The following NAV1 variants were observed in gnomAD, a reference collection of about 807,000 sequenced individuals.
NAV1 encodes neuron navigator 1, also known as pore membrane and/or filament interacting like protein 3.
Under a neutral mutation model 175.2 loss-of-function variants are expected in NAV1, and 18 were observed. The ratio of observed to expected loss-of-function variants is 0.10; its 90% confidence interval spans 0.07 to 0.15. The LOEUF is 0.15. Ranked by LOEUF, NAV1 falls within the 10% of genes least tolerant of loss-of-function variation. NAV1 has a pLI of 1.00. For synonymous variants in NAV1, 897 were observed against 978.7 expected (o/e 0.92, Z 1.56); for missense variants, 1,731 against 2,436.6 (o/e 0.71, Z 6.10).
intron 2 of NAV1, among the ~76,000 whole-genome samples, chr1:201,607,032 T>G (rs1472213070): frequency 6.6e-6 from 1 of 152,206 alleles, no homozygotes; most frequent in Non-Finnish European, 1.5e-5. Flanking sequence ...TTTTGGATGT[T>G]TGTCGCACTG....
chr1:201,558,444 G>A (rs1414713302), intron 1 of NAV1, among the ~76,000 whole-genome samples: 2 of 152,094 alleles, frequency 1.3e-5, no homozygotes, highest in African/African-American at 4.8e-5. Context: ...TGGGATCTAG[G>A]TGTGGTGTTT....
At chr1:201,689,853 C>G (rs371697446) in intron 1 of NAV1, among the ~76,000 whole-genome samples, 1 of 152,194 alleles carries the variant, frequency 6.6e-6, no homozygotes, top group Non-Finnish European at 1.5e-5. Flanking sequence ...ATTCTGCTCC[C>G]CAGAGTGTGT....
intron 1 of NAV1, among the ~76,000 whole-genome samples, chr1:201,559,510 G>A (rs1443398426): frequency 3.3e-5 from 5 of 152,142 alleles, no homozygotes; most frequent in Non-Finnish European, 7.3e-5. Flanking sequence ...AGCTTTGTCC[G>A]AGATGATGGT....
exon 4 of NAV1, chr1:201,780,430 AAGC>A (rs1439967711): frequency 6.2e-7 from 1 of 1,614,086 alleles, no homozygotes; most frequent in Non-Finnish European, 8.5e-7. Context: ...GCTGGGATGA[AAGC>A]AGCTCCATCA....
intron 3 of NAV1, among the ~76,000 whole-genome samples, chr1:201,772,345 C>T (rs1473179012): frequency 6.6e-6 from 1 of 152,124 alleles, no homozygotes; most frequent in Non-Finnish European, 1.5e-5. Flanking sequence ...GGGATAATGC[C>T]AGGACTCCAG....
At chr1:201,680,563 G>A (rs1335838508) in intron 1 of NAV1, among the ~76,000 whole-genome samples, 2 of 152,056 alleles carry the variant, frequency 1.3e-5, no homozygotes, top group East Asian at 1.9e-4. Context: ...GATCTTGGGT[G>A]AATTAATAGA....
At chr1:201,543,409 T>C (rs1454675420) in intron 1 of NAV1, among the ~76,000 whole-genome samples, 2 of 152,224 alleles carry the variant, frequency 1.3e-5, no homozygotes, top group Non-Finnish European at 2.9e-5. Flanking sequence ...GGCTTGTTTT[T>C]TGTTTCCTTC....
At chr1:201,784,874 T>G (rs1011595422) in intron 7 of NAV1, among the ~76,000 whole-genome samples, 1 of 150,708 alleles carries the variant, frequency 6.6e-6, no homozygotes, top group African/African-American at 2.4e-5. Context: ...TTCATGCCAT[T>G]CTCCTGCCTC....
chr1:201,648,597 C>A, exon 1 of NAV1: 1 of 1,270,784 alleles, frequency 7.9e-7, no homozygotes, highest in Non-Finnish European at 9.9e-7. Context: ...CCTCCTCCTG[C>A]GCTCCCGCCC....
At chr1:201,633,536 C>T (rs141922424) in intron 2 of NAV1, among the ~76,000 whole-genome samples, 31 of 152,338 alleles carry the variant, frequency 2.0e-4, no homozygotes, top group African/African-American at 7.2e-4. Context: ...CCAAGCTCAA[C>T]TCAGTCTCCC....
At chr1:201,700,289 A>G (rs1202763869) in intron 1 of NAV1, among the ~76,000 whole-genome samples, 2 of 152,248 alleles carry the variant, frequency 1.3e-5, no homozygotes, top group Non-Finnish European at 2.9e-5. Context: ...ATGAACAGAC[A>G]CTTCTCGAAA....
chr1:201,814,746 AAAC>A (rs959120604), intron 28 of NAV1, among the ~76,000 whole-genome samples: 3 of 152,058 alleles, frequency 2.0e-5, no homozygotes, highest in Non-Finnish European at 4.4e-5. Context: ...AGAAAGTAAA[AAAC>A]AAAAAAAAAG....
upstream of NAV1, among the ~76,000 whole-genome samples, chr1:201,646,483 T>C (rs1290732172): frequency 2.6e-5 from 4 of 152,236 alleles, no homozygotes; most frequent in Admixed American, 1.3e-4. Context: ...TTGTCTACCT[T>C]GTATTCCCTG....
Position 201,808,092 on chromosome 1 carries a change from C to G in NAV1, c.3788C>G (p.Thr1263Ser), listed in dbSNP as rs1218630522. 2.5e-6 allele frequency: 4 copies of G among 1,614,100 alleles called. No homozygotes were observed. The highest frequency in any genetic ancestry group is 3.4e-6 in the Non-Finnish European group (4 of 1,180,048). The change falls in exon 18 of 30, where the codon ACT (threonine) becomes AGT (serine). Residue 1263 changes from threonine (T) to serine (S), a missense_variant. Thr to Ser is a moderately conservative substitution (Grantham distance 58). Coordinates refer to ENST00000367296, the Ensembl canonical transcript of NAV1. This position sits in a 1 kb window ranked among gnomAD's most constrained non-coding sequence, Gnocchi z 5.5. ...AAACTACAGCATGGTTCTACAGAGA[C>G]TGCTTCACCCTCCATCAAGTCCTCC...
intron 3 of NAV1, among the ~76,000 whole-genome samples, chr1:201,748,458 G>A (rs184693984): frequency 4.0e-5 from 6 of 151,888 alleles, no homozygotes; most frequent in Admixed American, 1.3e-4. Context: ...CCTCAGCAGG[G>A]AACCTACCAG....
intron 2 of NAV1, among the ~76,000 whole-genome samples, chr1:201,630,178 C>T (rs1274025356): frequency 6.6e-6 from 1 of 152,182 alleles, no homozygotes; most frequent in East Asian, 1.9e-4. Flanking sequence ...ATTCAAAACT[C>T]AGCAGCACTT....
intron 28 of NAV1, among the ~76,000 whole-genome samples, chr1:201,815,247 G>A (rs1000800284): frequency 6.6e-6 from 1 of 151,862 alleles, no homozygotes; most frequent in African/African-American, 2.4e-5. Context: ...TAAAAAAGGA[G>A]GAAATTCAAA....
intron 1 of NAV1, among the ~76,000 whole-genome samples, 46 bp from the exon 2 acceptor site, chr1:201,588,493 A>G (rs1571834448): frequency 6.6e-6 from 1 of 150,942 alleles, no homozygotes; most frequent in Non-Finnish European, 1.5e-5. Flanking sequence ...GACTACAGGT[A>G]GGTGCCACCA....
At chr1:201,822,971 T>C (rs1420207486) in exon 30 of NAV1, 1 of 152,672 alleles carries the variant, frequency 6.5e-6, no homozygotes, top group African/African-American at 2.4e-5. Flanking sequence ...GGAGCAAATC[T>C]ACAGCATTCT....
Sources: gnomAD v4.1 joint callset for allele counts (sites outside exome capture counted in the v4.1 genomes callset) on GRCh38, gnomAD v4.1.1 for gene constraint, Gnocchi (gnomAD v3.1) non-coding constraint, MANE v1.5 for transcripts, NCBI Gene and HGNC (gene_info 2026-07-23, HGNC 2026-07-21) for gene names.